The following IRAG1 variants were observed in gnomAD, a reference collection of about 807,000 sequenced individuals.
The protein encoded by IRAG1 is IP3R-associated cGMP kinase substrate.
In IRAG1, 62 loss-of-function variants were observed where a neutral mutation model predicts 106.2. The ratio of observed to expected loss-of-function variants is 0.58; its 90% CI spans 0.48 to 0.72. The LOEUF is 0.72. Ranked by LOEUF, IRAG1 falls within the 30% of genes least tolerant of loss-of-function variation. IRAG1 has a pLI of 0.00. For synonymous variants in IRAG1, 462 were observed against 443.9 expected (o/e 1.04, Z -0.51); for missense variants, 1,064 against 1,140.7 (o/e 0.93, Z 0.97).
chr11:10,576,422 A>G lies in IRAG1; in HGVS notation c.2649T>C (p.Asp883=), dbSNP rs1407474158. 6.2e-7 allele frequency: 1 copy of G among 1,614,024 alleles called. No individual in the cohort carries two copies. Among genetic ancestry groups the G allele is most frequent in the Non-Finnish European group, 8.5e-7 (1 of 1,179,896 alleles). ...NSYNSCAEQA[D]GPLGRSTCSA... The stretch of plus-strand genomic sequence containing the variant: ...AGCAAGTGGATCTTCCAAGGGGCCC[A>G]TCAGCCTGCTCTGCACAAGAGTTAT... Residue 883 remains aspartate (D), a synonymous_variant, in exon 21 of 21, where the codon GAT becomes GAC. Transcript: ENST00000423302.
chr11:10,642,632 A>C (rs530543107), intron 2 of IRAG1, among the ~76,000 whole-genome samples: 14 of 152,374 alleles, frequency 9.2e-5, no homozygotes, highest in African/African-American at 3.4e-4. Flanking sequence ...CTAGTTACTA[A>C]ACTTCTCTTT....
chr11:10,579,450 A>G (rs1851169595), intron 20 of IRAG1, among the ~76,000 whole-genome samples: 1 of 152,188 alleles, frequency 6.6e-6, no homozygotes, highest in African/African-American at 2.4e-5. Context: ...GTCTAAAAAT[A>G]GATTTTGGTG....
At position 10,573,193 on chromosome 11, in the gene IRAG1, G is replaced by C. The variant is rs1411271975; in HGVS notation, c.*3139C>G. 1 of 152,242 alleles carries C rather than the reference G, an allele frequency of 6.6e-6. No individual in the cohort carries two copies. Among genetic ancestry groups the C allele is most frequent in the East Asian group, 1.9e-4 (1 of 5,196 alleles). 9.4% of individuals were successfully genotyped at this position (152,242 alleles called of 1,614,324 possible). A position where few individuals can be genotyped will look rare whatever the true frequency, so the allele number is the denominator to read the frequency against. On this transcript the variant is annotated 3_prime_UTR_variant, in exon 21 of 21. Transcript: ENST00000423302. ...GGCTTAACAACATGAGGAACTGATA[G>C]CCAGTGATACACAAATCCAGCACTT...
chr11:10,680,524 A>AAAGGAAGAAAGGAAGG lies in IRAG1; in HGVS notation c.67+13011_67+13012insCCTTCCTTTCTTCCTT, dbSNP rs1554935785. 2.5e-3 allele frequency among the ~76,000 whole-genome samples: 346 copies of AAAGGAAGAAAGGAAGG among 139,132 alleles called. 5 individuals are homozygous for AAAGGAAGAAAGGAAGG. The highest frequency in any genetic ancestry group is 8.1e-3 in the African/African-American group (276 of 34,178). 91.3% of individuals were successfully genotyped at this position (139,132 alleles called of 152,430 possible). On this transcript the variant is annotated intron_variant, in intron 1 of 20. Transcript: ENST00000423302. The stretch of plus-strand genomic sequence containing the variant: ...GAGAGAAAGGGAAAAAGAAAGGAAG[A>AAAGGAAGAAAGGAAGG]AAGGAAGGAAGGAAGGGGAAGGGGA...
intron 15 of IRAG1, among the ~76,000 whole-genome samples, chr11:10,597,996 G>A (rs945534919): frequency 6.6e-6 from 1 of 152,228 alleles, no homozygotes; most frequent in African/African-American, 2.4e-5. Context: ...CTATGAGGAA[G>A]GAGAAAGTGT....
intron 20 of IRAG1, among the ~76,000 whole-genome samples, chr11:10,578,385 T>G (rs1465796443): frequency 6.6e-6 from 1 of 152,232 alleles, no homozygotes; most frequent in African/African-American, 2.4e-5. Context: ...TTTAATATGG[T>G]TAAAATATTG....
chr11:10,680,855 C>T (rs1380293426), intron 1 of IRAG1, among the ~76,000 whole-genome samples: 1 of 152,072 alleles, frequency 6.6e-6, no homozygotes, highest in South Asian at 2.1e-4. Flanking sequence ...TCCTTGGGGC[C>T]GGGCGGGTTA....
chr11:10,652,109 G>A lies in IRAG1; in HGVS notation c.141C>T (p.Ser47=). Residue 47 remains serine (S), a synonymous_variant, in exon 2 of 21, where the codon TCC becomes TCT. Transcript: ENST00000423302. ...AAEVPGTRGH[S]QQEAAMPHIP... ...TGTGGGGCATGGCAGCCTCCTGCTG[G>A]GAGTGGCCACGTGTGCCCGGAACCT... is the stretch of plus-strand genomic sequence containing the variant. 3 of 1,610,154 alleles carry A rather than the reference G, an allele frequency of 1.9e-6. No individual in the cohort carries two copies. The highest frequency in any genetic ancestry group is 2.5e-6 in the Non-Finnish European group (3 of 1,178,522).
intron 20 of IRAG1, among the ~76,000 whole-genome samples, chr11:10,577,842 A>G (rs1850983028): frequency 6.6e-6 from 1 of 152,228 alleles, no homozygotes; most frequent in Non-Finnish European, 1.5e-5. Context: ...CATTTCAGTC[A>G]CAATTAAGGA....
chr11:10,620,377 C>A (rs201012607), intron 10 of IRAG1, among the ~76,000 whole-genome samples: 3 of 137,582 alleles, frequency 2.2e-5, no homozygotes, highest in African/African-American at 8.1e-5. Flanking sequence ...CAGCCCCCCC[C>A]AAAAGAAAGA....
At position 10,628,088 on chromosome 11, in the gene IRAG1, G is replaced by T; in HGVS notation, c.653-63C>A. 1.9e-6 allele frequency: 3 copies of T among 1,561,522 alleles called. No homozygotes were observed. The highest frequency in any genetic ancestry group is 2.6e-6 in the Non-Finnish European group (3 of 1,136,638). On this transcript the variant is annotated intron_variant, in intron 6 of 20. Coordinates refer to ENST00000423302, the MANE Select transcript of IRAG1 (RefSeq NM_130385.4). This position sits in a 1 kb window ranked among gnomAD's most constrained non-coding sequence, Gnocchi z 4.1. ...GCCCAGGCCCTCAGCTGTGCTTTCA[G>T]CCACATCTCCCTCCCCGGGCTATCC...
intron 10 of IRAG1, among the ~76,000 whole-genome samples, chr11:10,616,438 T>C (rs1855437639): frequency 6.6e-6 from 1 of 152,214 alleles, no homozygotes; most frequent in Non-Finnish European, 1.5e-5. Context: ...TACTTTTTCC[T>C]ATGTCTCATT....
intron 1 of IRAG1, among the ~76,000 whole-genome samples, chr11:10,681,499 G>A (rs1237753513): frequency 6.6e-6 from 1 of 152,178 alleles, no homozygotes; most frequent in Non-Finnish European, 1.5e-5. Flanking sequence ...AAACACACCT[G>A]CAGTCCTCCT....
intron 11 of IRAG1, among the ~76,000 whole-genome samples, chr11:10,609,351 T>C (rs2134393209): frequency 6.6e-6 from 1 of 152,286 alleles, no homozygotes; most frequent in Middle Eastern, 3.4e-3. Context: ...AAGATTATCT[T>C]GGGCAACATA....
At position 10,573,770 on chromosome 11, in the gene IRAG1, C is replaced by A. The variant is rs1850695962; in HGVS notation, c.*2562G>T. On this transcript the variant is annotated 3_prime_UTR_variant, in exon 21 of 21. Transcript: ENST00000423302. ...CTTGTGACCAAGTGAACAATGGGGC[C>A]AGCTGAGCCTGGCCCTGCTTTAAGG... 1 of 152,188 alleles carries A rather than the reference C, an allele frequency of 6.6e-6. No homozygotes were observed. The highest frequency in any genetic ancestry group is 2.4e-5 in the African/African-American group (1 of 41,428). 9.4% of individuals were successfully genotyped at this position (152,188 alleles called of 1,614,324 possible).
At chr11:10,618,422 T>C (rs1004168163) in intron 10 of IRAG1, among the ~76,000 whole-genome samples, 2 of 152,230 alleles carry the variant, frequency 1.3e-5, no homozygotes, top group Non-Finnish European at 2.9e-5. Context: ...TTAATGTTTA[T>C]TGAGTGTTTA....
intron 10 of IRAG1, among the ~76,000 whole-genome samples, chr11:10,614,187 AG>A (rs1221409430): frequency 6.6e-6 from 1 of 152,024 alleles, no homozygotes; most frequent in Non-Finnish European, 1.5e-5. Context: ...GACCCACCCT[AG>A]CCCTTCCCCA....
chr11:10,585,651 C>T (rs1452377286), intron 18 of IRAG1, among the ~76,000 whole-genome samples: 9 of 148,582 alleles, frequency 6.1e-5, no homozygotes, highest in Non-Finnish European at 7.5e-5. Flanking sequence ...TGTATGATCT[C>T]GGGACCAGCC....
intron 1 of IRAG1, among the ~76,000 whole-genome samples, chr11:10,669,800 T>G (rs1023912485): frequency 3.9e-5 from 6 of 152,200 alleles, no homozygotes; most frequent in African/African-American, 1.4e-4. Flanking sequence ...GGATCCTGGT[T>G]ATCTGGGGGC....
Sources: allele counts gnomAD v4.1 joint callset (sites outside exome capture counted in the v4.1 genomes callset), GRCh38; gene constraint gnomAD v4.1.1; non-coding constraint Gnocchi (gnomAD v3.1); transcripts MANE v1.5; gene names NCBI Gene and HGNC (gene_info 2026-07-23, HGNC 2026-07-21).